The following TTC23L variants were observed in gnomAD, a reference collection of about 807,000 sequenced individuals.
TTC23L encodes tetratricopeptide repeat protein 23-like.
A neutral mutation model predicts 48.1 loss-of-function variants in TTC23L; 42 were observed. The ratio of observed to expected loss-of-function variants is 0.87; its 90% CI spans 0.68 to 1.13. TTC23L has a LOEUF of 1.13. Among genes scored for constraint, TTC23L ranks in the 50% most tolerant of loss-of-function variants. The probability of loss-of-function intolerance (pLI) is 0.00; values close to 1 mark genes in which losing one functional copy is unlikely to be tolerated. For missense variants in TTC23L, 391 were observed against 421.0 expected, an observed-to-expected ratio of 0.93 and a Z score of 0.62; for synonymous variants, 159 against 157.2, an observed-to-expected ratio of 1.01 and a Z score of -0.09.
chr5:34,845,279 A>G (rs947905771), intron 2 of TTC23L, among the ~76,000 whole-genome samples: 4 of 152,244 alleles, frequency 2.6e-5, no homozygotes, highest in African/African-American at 9.6e-5. Context: ...CTGTACCTCT[A>G]TAAATCGGCT....
the TTC23L span, chr5:34,915,612 G>A: frequency 3.3e-6 from 4 of 1,208,248 alleles, no homozygotes; most frequent in Non-Finnish European, 4.5e-6. Context: ...GAGACCGGAA[G>A]GAGGCGGCAC....
chr5:34,908,002 G>A, the TTC23L span: 1 of 152,162 alleles, frequency 6.6e-6, no homozygotes, highest in Non-Finnish European at 1.5e-5. Flanking sequence ...CTACAAGTTT[G>A]CAGGCCATTC....
downstream of TTC23L, among the ~76,000 whole-genome samples, chr5:34,901,003 T>G (rs1278579719): frequency 6.6e-6 from 1 of 152,216 alleles, no homozygotes; most frequent in Admixed American, 6.5e-5. Context: ...ATCTTTACAT[T>G]TGTTTACATT....
chr5:34,846,995 A>T lies in TTC23L; in HGVS notation c.255+1322A>T, dbSNP rs1759257577. ...TAAGCATGAGTATTCAAAATCCAGG[A>T]GACTGAGACAGCAAGACGTCGACTC... On this transcript the variant is annotated intron_variant, in intron 3 of 10. Coordinates refer to ENST00000505624, the Ensembl canonical transcript of TTC23L. Among the ~76,000 whole-genome samples, 3 of 152,154 alleles carry T rather than the reference A, an allele frequency of 2.0e-5. 1 individual carries two copies. In the South Asian group the frequency reaches 6.2e-4, roughly 32 times the overall value.
the TTC23L span, chr5:34,915,718 G>T: frequency 6.3e-7 from 1 of 1,589,328 alleles, no homozygotes; most frequent in Non-Finnish European, 8.6e-7. Flanking sequence ...AGGAGGCCAA[G>T]AGCGCGGGCG....
At chr5:34,865,926 T>C (rs1427749478) in intron 6 of TTC23L, among the ~76,000 whole-genome samples, 1 of 152,220 alleles carries the variant, frequency 6.6e-6, no homozygotes, top group Non-Finnish European at 1.5e-5. Context: ...ATATCTACTA[T>C]ATGTTAGGTG....
intron 9 of TTC23L, among the ~76,000 whole-genome samples, chr5:34,886,384 C>G (rs1049195542): frequency 1.1e-5 from 1 of 93,312 alleles, no homozygotes; most frequent in Non-Finnish European, 2.4e-5. Flanking sequence ...AAAAAAAAAA[C>G]GTTTTATCCC....
In TTC23L at chr5:34,879,190, G is replaced by A. The variant is rs531058274; in HGVS notation, c.950-991G>A. Among the ~76,000 whole-genome samples the A allele has an allele frequency of 3.9e-5, 6 of 152,274 alleles. No individual in the cohort carries two copies. The South Asian group carries it at 1.2e-3, about 32-fold the overall frequency. ...TGTTAGATAATGGAGACTCATAAGG[G>A]TGTGATGTGGGGTGGATGATGAGAA... On this transcript the variant is annotated intron_variant, in intron 8 of 10. Transcript: ENST00000505624.
At chr5:34,896,983 C>G (rs547934394) in intron 10 of TTC23L, 108 bp downstream of exon 10, 162 of 514,286 alleles carry the variant, frequency 3.2e-4, no homozygotes, top group African/African-American at 3.0e-3. Flanking sequence ...AAGAAAGGCT[C>G]TGTAGCAGAA....
chr5:34,918,089 G>T, the TTC23L span: 6 of 216,494 alleles, frequency 2.8e-5, no homozygotes, highest in Non-Finnish European at 5.3e-5. Context: ...AGCCACTTGA[G>T]CCCAGGTGTT....
chr5:34,905,796 C>T, the TTC23L span: 6 of 151,862 alleles, frequency 4.0e-5, no homozygotes, highest in Non-Finnish European at 7.4e-5. Flanking sequence ...TAAAGTTAAA[C>T]TTTTATTAAA....
chr5:34,872,209 G>C (rs1761518762), intron 8 of TTC23L, among the ~76,000 whole-genome samples: 2 of 152,086 alleles, frequency 1.3e-5, no homozygotes, highest in Non-Finnish European at 2.9e-5. Context: ...GATTGCTTGA[G>C]TTAAGGGTTC....
At chr5:34,885,244 G>T (rs1314095881) in intron 9 of TTC23L, among the ~76,000 whole-genome samples, 1 of 152,140 alleles carries the variant, frequency 6.6e-6, no homozygotes, top group Non-Finnish European at 1.5e-5. Context: ...ACAGATTAAA[G>T]AATCATGAAA....
chr5:34,912,861 C>T, the TTC23L span, among the ~76,000 whole-genome samples: 184 of 152,030 alleles, frequency 1.2e-3, 4 homozygotes, highest in East Asian at 0.032. Context: ...ATTAGCCGGG[C>T]GTGGTGGCAC....
intron 8 of TTC23L, among the ~76,000 whole-genome samples, chr5:34,873,540 T>G (rs556144847): frequency 1.3e-5 from 2 of 151,992 alleles, no homozygotes; most frequent in East Asian, 3.9e-4. Flanking sequence ...AGACTTAATA[T>G]GATGAAAGGG....
At position 34,851,032 on chromosome 5, in the gene TTC23L, T is replaced by C. The variant is rs79199221; in HGVS notation, c.379+724T>C. Among the ~76,000 whole-genome samples the C allele has an allele frequency of 9.5e-3, 1,442 of 152,308 alleles. 23 individuals are homozygous for C. The highest frequency in any genetic ancestry group is 0.034 in the African/African-American group (1,398 of 41,564). Reference sequence around the variant, plus strand: ...TCTGCATACATTTTCACCGTGGAACTCATTGTACTGTGCTCATATATGCTT... The same window carrying C: ...TCTGCATACATTTTCACCGTGGAACCCATTGTACTGTGCTCATATATGCTT... On this transcript the variant is annotated intron_variant, in intron 4 of 10. Transcript: ENST00000505624.
rs192899810 is a variant in TTC23L at position 34,849,355 on chromosome 5, C to A, written c.256-830C>A. ...TTCAAAGCTGAAATTAACCAAACTT[C>A]TAAACCCAACTACTAATATAAAGGC... On this transcript the variant is annotated intron_variant, in intron 3 of 10. Coordinates refer to ENST00000505624, the Ensembl canonical transcript of TTC23L. Among the ~76,000 whole-genome samples the A allele has an allele frequency of 3.4e-3, 521 of 152,280 alleles. 4 individuals are homozygous for A. Among genetic ancestry groups the A allele is most frequent in the Non-Finnish European group, 5.7e-3 (386 of 68,026 alleles).
At chr5:34,903,005 C>T (rs1360919647), downstream of TTC23L, among the ~76,000 whole-genome samples, 1 of 151,832 alleles carries the variant, frequency 6.6e-6, no homozygotes, top group African/African-American at 2.4e-5. Flanking sequence ...CATTCAGACT[C>T]CATTTTGGGT....
At chr5:34,914,337 T>G in the TTC23L span, 6 of 299,128 alleles carry the variant, frequency 2.0e-5, no homozygotes, top group Admixed American at 1.9e-4. Flanking sequence ...TCCACATATA[T>G]AAAACGGGAA....
Sources: allele counts gnomAD v4.1 joint callset (sites outside exome capture counted in the v4.1 genomes callset), GRCh38; gene constraint gnomAD v4.1.1; transcripts MANE v1.5; gene names NCBI Gene and HGNC (gene_info 2026-07-23, HGNC 2026-07-21).